PTPRN2: variants seen among roughly 807,000 people sequenced by gnomAD.
The protein encoded by PTPRN2 is protein tyrosine phosphatase receptor type N2.
Under a neutral mutation model 118.8 loss-of-function variants are expected in PTPRN2, and 74 were observed. The observed-to-expected ratio is 0.62, with a 90% confidence interval of 0.52 to 0.76. The LOEUF is 0.76. PTPRN2 is among the 30% of genes least tolerant of loss of function. The pLI is 0.00. For missense variants in PTPRN2, 1,481 were observed against 1,394.4 expected, an observed-to-expected ratio of 1.06 and a Z score of -0.99; for synonymous variants, 641 against 608.0, an observed-to-expected ratio of 1.05 and a Z score of -0.80.
chr7:157,675,327 G>C (rs1393119028), intron 13 of PTPRN2, among the ~76,000 whole-genome samples: 1 of 152,144 alleles, frequency 6.6e-6, no homozygotes, highest in African/African-American at 2.4e-5. Flanking sequence ...GAGGTGAGGT[G>C]TTCAGAGCAC....
At chr7:158,086,248 C>G (rs868390242) in intron 10 of PTPRN2, among the ~76,000 whole-genome samples, 3 of 145,644 alleles carry the variant, frequency 2.1e-5, no homozygotes, top group African/African-American at 5.7e-5. Context: ...GGTAGCCCAC[C>G]GCTCCCAGGC....
chr7:158,178,820 A>G (rs577389731), intron 5 of PTPRN2, among the ~76,000 whole-genome samples: 1 of 151,872 alleles, frequency 6.6e-6, no homozygotes, highest in Non-Finnish European at 1.5e-5. Context: ...GATGGTCTCA[A>G]TCTCTTGAGG....
chr7:158,336,592 T>C (rs796207052), intron 2 of PTPRN2, among the ~76,000 whole-genome samples: 259 of 60,310 alleles, frequency 4.3e-3, no homozygotes, highest in East Asian at 5.8e-3. Context: ...GCAGACGTCA[T>C]TCACACCCAC....
intron 2 of PTPRN2, among the ~76,000 whole-genome samples, chr7:158,451,512 C>A (rs1818093629): frequency 6.6e-6 from 1 of 152,174 alleles, no homozygotes; most frequent in South Asian, 2.1e-4. Flanking sequence ...GAGTTGGTGT[C>A]TCCGAAAGAA....
intron 8 of PTPRN2, among the ~76,000 whole-genome samples, chr7:158,135,851 G>C (rs908871128): frequency 2.6e-5 from 4 of 152,208 alleles, no homozygotes; most frequent in African/African-American, 9.7e-5. Context: ...ACTAACCAAA[G>C]ACTCTTCTTT....
At chr7:158,170,996 T>C (rs1470058942) in intron 5 of PTPRN2, among the ~76,000 whole-genome samples, 1 of 148,498 alleles carries the variant, frequency 6.7e-6, no homozygotes, top group Non-Finnish European at 1.5e-5. Context: ...TATATACACA[T>C]ACATATATAT....
Position 158,455,740 on chromosome 7 carries a change from G to A in PTPRN2, c.163+33995C>T, listed in dbSNP as rs76394430. Reference sequence around the variant, plus strand: ...ACGCCATCGGCCATGGCCACCCATCGCTCTGCAGAGAAGACAACGGCATGG... The same window carrying A: ...ACGCCATCGGCCATGGCCACCCATCACTCTGCAGAGAAGACAACGGCATGG... On this transcript the variant is annotated intron_variant, in intron 2 of 22. Transcript: ENST00000389418. 1.6e-4 allele frequency among the ~76,000 whole-genome samples: 23 copies of A among 145,660 alleles called. No homozygotes were observed. In the East Asian group the frequency reaches 2.0e-3, roughly 12 times the overall value.
intron 6 of PTPRN2, among the ~76,000 whole-genome samples, chr7:158,146,833 G>A (rs531058115): frequency 1.3e-5 from 2 of 151,976 alleles, no homozygotes; most frequent in South Asian, 4.1e-4. Flanking sequence ...ATGTTTTGGA[G>A]GCCAGAGAGA....
chr7:158,361,972 T>TC (rs1563201250), intron 2 of PTPRN2, among the ~76,000 whole-genome samples: 18 of 152,090 alleles, frequency 1.2e-4, no homozygotes, highest in Non-Finnish European at 2.4e-4. Context: ...CCTCCCTTCG[T>TC]TTCTTGGCCC....
intron 10 of PTPRN2, among the ~76,000 whole-genome samples, chr7:158,105,075 T>A (rs1034979220): frequency 6.8e-6 from 1 of 148,056 alleles, no homozygotes; most frequent in African/African-American, 2.5e-5. Flanking sequence ...TCAAACTCCA[T>A]CCCAGCTCCA....
In PTPRN2 at chr7:158,428,232, A is replaced by T. The variant is rs141879659; in HGVS notation, c.163+61503T>A. On this transcript the variant is annotated intron_variant, in intron 2 of 22. Coordinates refer to ENST00000389418, the MANE Select transcript of PTPRN2 (RefSeq NM_002847.5). ...CTCTCTCATCCCAAAATGGAAAAAC[A>T]TTCATTTTTAACAGTAATAAAACAT... Among the ~76,000 whole-genome samples the T allele has an allele frequency of 1.5e-4, 23 of 152,304 alleles. 1 individual carries two copies. In the East Asian group the frequency reaches 4.4e-3, roughly 29 times the overall value.
At chr7:158,034,242 G>T (rs538751508) in intron 11 of PTPRN2, among the ~76,000 whole-genome samples, 6 of 144,922 alleles carry the variant, frequency 4.1e-5, no homozygotes, top group African/African-American at 1.4e-4. Flanking sequence ...AACTCTGCAT[G>T]CTGAGGCCCG....
At chr7:157,961,051 A>T (rs1186523630) in intron 11 of PTPRN2, among the ~76,000 whole-genome samples, 2 of 152,188 alleles carry the variant, frequency 1.3e-5, no homozygotes, top group African/African-American at 4.8e-5. Context: ...AAAAACAAGC[A>T]AAAACCAAAA....
chr7:158,261,520 G>A (rs1260760145), intron 3 of PTPRN2, among the ~76,000 whole-genome samples: 1 of 152,190 alleles, frequency 6.6e-6, no homozygotes, highest in Non-Finnish European at 1.5e-5. Context: ...CTGCACAGGT[G>A]AGAAGGGAAG....
intron 11 of PTPRN2, among the ~76,000 whole-genome samples, chr7:157,958,823 C>G (rs1436929642): frequency 6.6e-6 from 1 of 152,172 alleles, no homozygotes; most frequent in Non-Finnish European, 1.5e-5. Flanking sequence ...GCTTTTAATA[C>G]TACCCAAAGT....
At chr7:158,222,796 A>G (rs1164769253) in intron 3 of PTPRN2, among the ~76,000 whole-genome samples, 1 of 152,204 alleles carries the variant, frequency 6.6e-6, no homozygotes, top group Non-Finnish European at 1.5e-5. Context: ...AACACAATAA[A>G]CCCAAATAAA....
rs576016769 is a variant in PTPRN2 at position 158,179,350 on chromosome 7, AT to A, written c.550-12060del. ...CGTCATTTGTCCACTTTTTAATGGG[AT>A]TTTTTTTTCTTGCTAAATTGTTTGA... On this transcript the variant is annotated intron_variant, in intron 5 of 22. Coordinates refer to ENST00000389418, the MANE Select transcript of PTPRN2 (RefSeq NM_002847.5). Among the ~76,000 whole-genome samples, 12 of 150,542 alleles carry A rather than the reference AT, an allele frequency of 8.0e-5. No homozygotes were observed. In the South Asian group the frequency reaches 1.7e-3, roughly 21 times the overall value.
Position 157,580,724 on chromosome 7 carries a change from C to G in PTPRN2, c.2497-2584G>C, listed in dbSNP as rs535562047. On this transcript the variant is annotated intron_variant, in intron 17 of 22. Transcript: ENST00000389418. Reference sequence around the variant, plus strand: ...CCCGAGCCCCTCCACACTCCAGCACCTGGACACACCAGCACCTGCACACCC... The same window carrying G: ...CCCGAGCCCCTCCACACTCCAGCACGTGGACACACCAGCACCTGCACACCC... 6.5e-4 allele frequency among the ~76,000 whole-genome samples: 89 copies of G among 137,016 alleles called. 1 individual carries two copies. Among genetic ancestry groups the G allele is most frequent in the African/African-American group, 2.3e-3 (83 of 35,328 alleles). The allele number at this position is 137,016 out of a possible 152,430, so 89.9% of individuals were successfully genotyped here.
chr7:158,257,376 C>G (rs1030167734), intron 3 of PTPRN2, among the ~76,000 whole-genome samples: 1 of 152,168 alleles, frequency 6.6e-6, no homozygotes, highest in East Asian at 1.9e-4. Context: ...TTGGCTGATT[C>G]TTTTCTCCTC....
Sources: gnomAD v4.1 joint callset for allele counts (sites outside exome capture counted in the v4.1 genomes callset) on GRCh38, gnomAD v4.1.1 for gene constraint, MANE v1.5 for transcripts, NCBI Gene and HGNC (gene_info 2026-07-23, HGNC 2026-07-21) for gene names.